Variants in NOL4L observed in about 807,000 individuals in gnomAD.
NOL4L encodes nucleolar protein 4-like.
NOL4L carries 7 observed loss-of-function variants against 64.5 expected under a neutral mutation model. The ratio of observed to expected loss-of-function variants is 0.11; its 90% CI spans 0.06 to 0.20. The LOEUF is 0.20. Among genes scored for constraint, NOL4L ranks in the 10% least tolerant of loss-of-function variants. NOL4L has a pLI of 1.00. For missense variants in NOL4L, 680 were observed against 967.1 expected, an observed-to-expected ratio of 0.70 and a Z score of 3.94; for synonymous variants, 413 against 401.0, an observed-to-expected ratio of 1.03 and a Z score of -0.36.
chr20:32,488,963 GTCT>G (rs1351740392), intron 4 of NOL4L, among the ~76,000 whole-genome samples: 2 of 81,262 alleles, frequency 2.5e-5, no homozygotes, highest in Non-Finnish European at 4.5e-5. Flanking sequence ...TGAATTGTTG[GTCT>G]TTTTTTTTTT....
intron 1 of NOL4L, among the ~76,000 whole-genome samples, chr20:32,556,279 G>T (rs530435083): frequency 2.0e-5 from 3 of 152,164 alleles, no homozygotes; most frequent in South Asian, 4.1e-4. Context: ...CTTTGTGGGG[G>T]GGGGGGGTTT....
At chr20:32,483,280 G>A (rs1262319987) in intron 4 of NOL4L, 6 of 852,126 alleles carry the variant, frequency 7.0e-6, no homozygotes, top group South Asian at 5.3e-5. Flanking sequence ...CTCAACGGCC[G>A]GCGGCAGCAG....
At chr20:32,568,130 T>TCACCATACTCAC (rs1361900307) in intron 1 of NOL4L, among the ~76,000 whole-genome samples, 1 of 151,728 alleles carries the variant, frequency 6.6e-6, no homozygotes, top group Non-Finnish European at 1.5e-5. Context: ...ATGACGGCCA[T>TCACCATACTCAC]CACCATCCTC....
chr20:32,471,231 C>G (rs964790192), intron 5 of NOL4L, among the ~76,000 whole-genome samples: 1 of 148,892 alleles, frequency 6.7e-6, no homozygotes, highest in Non-Finnish European at 1.5e-5. Flanking sequence ...AGCAGACACT[C>G]ACCCCGGTAG....
intron 1 of NOL4L, among the ~76,000 whole-genome samples, chr20:32,559,496 T>C (rs1781360974): frequency 6.6e-6 from 1 of 152,188 alleles, no homozygotes; most frequent in Non-Finnish European, 1.5e-5. Flanking sequence ...TTGCCCAGAG[T>C]TACTGGGAGC....
intron 1 of NOL4L, chr20:32,537,027 C>A (rs1030379100): frequency 3.5e-5 from 34 of 982,258 alleles, no homozygotes; most frequent in South Asian, 4.7e-5. Context: ...CTTCCGGCCC[C>A]GCCAACCGGC....
intron 1 of NOL4L, among the ~76,000 whole-genome samples, chr20:32,581,502 G>C (rs569071224): frequency 7.2e-5 from 11 of 152,272 alleles, no homozygotes; most frequent in African/African-American, 2.2e-4. Flanking sequence ...GAGGAAGGGA[G>C]GCCCAGGGTG....
At chr20:32,503,878 T>C (rs2017023796) in intron 4 of NOL4L, among the ~76,000 whole-genome samples, 1 of 152,186 alleles carries the variant, frequency 6.6e-6, no homozygotes, top group African/African-American at 2.4e-5. Flanking sequence ...TTAACATTAA[T>C]AGCACTACTC....
chr20:32,488,814 T>C (rs1334172816), intron 4 of NOL4L, among the ~76,000 whole-genome samples: 45 of 17,098 alleles, frequency 2.6e-3, no homozygotes, highest in Middle Eastern at 0.024. Context: ...TTTTTCTTTC[T>C]TTCTTTCTTT....
intron 5 of NOL4L, among the ~76,000 whole-genome samples, chr20:32,471,004 G>A (rs2014971955): frequency 6.6e-6 from 1 of 152,240 alleles, no homozygotes; most frequent in South Asian, 2.1e-4. Context: ...TGTGATCGCA[G>A]GGACCTGGGA....
At chr20:32,533,597 C>T (rs982332908) in intron 1 of NOL4L, 15 of 152,158 alleles carry the variant, frequency 9.9e-5, no homozygotes, top group African/African-American at 1.4e-4. Flanking sequence ...ATGGTGAGAA[C>T]AAAAGAATCT....
intron 2 of NOL4L, among the ~76,000 whole-genome samples, chr20:32,523,224 G>A (rs1380671310): frequency 6.6e-6 from 1 of 152,218 alleles, no homozygotes; most frequent in African/African-American, 2.4e-5. Flanking sequence ...GGGGAGGATA[G>A]AAGGCTGACA....
intron 1 of NOL4L, among the ~76,000 whole-genome samples, chr20:32,544,641 G>A (rs1044522586): frequency 7.9e-5 from 12 of 152,114 alleles, no homozygotes; most frequent in East Asian, 3.8e-4. Flanking sequence ...GGTCAGTGGC[G>A]GCTCAGAGGC....
At position 32,563,959 on chromosome 20, in the gene NOL4L, T is replaced by C. The variant is rs1979258462; in HGVS notation, c.321+20611A>G. Among the ~76,000 whole-genome samples, 3 of 152,344 alleles carry C rather than the reference T, an allele frequency of 2.0e-5. No homozygotes were observed. In the South Asian group the frequency reaches 6.2e-4, roughly 32 times the overall value. ...GCTCCTGCCTGCTCAGTGGCTGCTTTGGAGCAATTCTCCCAGGAAAGGCCG... is the reference window on the plus strand; with the variant it reads ...GCTCCTGCCTGCTCAGTGGCTGCTTCGGAGCAATTCTCCCAGGAAAGGCCG... On this transcript the variant is annotated intron_variant, in intron 1 of 10. Transcript: ENST00000621426.
chr20:32,487,950 G>C (rs1278203675), intron 4 of NOL4L, among the ~76,000 whole-genome samples: 1 of 113,046 alleles, frequency 8.8e-6, no homozygotes, highest in African/African-American at 4.1e-5. Flanking sequence ...TTTTTTTTTT[G>C]ACCAAATCTT....
Position 32,463,224 on chromosome 20 carries a change from G to A in NOL4L, c.842-6829C>T, listed in dbSNP as rs931515100. ...GGCTCAGTGGGAAGCTGGGAGTTCTGGATGGACCCTCCACACCTGGAGCTG... is the reference window on the plus strand; with the variant it reads ...GGCTCAGTGGGAAGCTGGGAGTTCTAGATGGACCCTCCACACCTGGAGCTG... On this transcript the variant is annotated intron_variant, in intron 5 of 10. Transcript: ENST00000621426. This position sits in a 1 kb window ranked among gnomAD's most constrained non-coding sequence, Gnocchi z 5.8. 6.6e-6 allele frequency among the ~76,000 whole-genome samples: 1 copy of A among 152,214 alleles called. No homozygotes were observed. Among genetic ancestry groups the A allele is most frequent in the African/African-American group, 2.4e-5 (1 of 41,460 alleles).
chr20:32,490,138 A>AT (rs1158784364), intron 4 of NOL4L, among the ~76,000 whole-genome samples: 9 of 143,458 alleles, frequency 6.3e-5, no homozygotes, highest in African/African-American at 2.2e-4. Flanking sequence ...CAAAAAAAAA[A>AT]AAAAAAATAT....
intron 1 of NOL4L, among the ~76,000 whole-genome samples, chr20:32,546,490 T>C (rs1209434673): frequency 6.6e-6 from 1 of 152,220 alleles, no homozygotes; most frequent in Non-Finnish European, 1.5e-5. Flanking sequence ...TTGCCTAGGC[T>C]GGAATGCAAT....
At chr20:32,487,040 G>A (rs538303910) in intron 4 of NOL4L, among the ~76,000 whole-genome samples, 68 of 152,234 alleles carry the variant, frequency 4.5e-4, no homozygotes, top group East Asian at 2.9e-3. Context: ...AGGCCGAGGC[G>A]GGTGGATCAC....
Sources: gnomAD v4.1 joint callset for allele counts (sites outside exome capture counted in the v4.1 genomes callset) on GRCh38, gnomAD v4.1.1 for gene constraint, Gnocchi (gnomAD v3.1) non-coding constraint, MANE v1.5 for transcripts, NCBI Gene and HGNC (gene_info 2026-07-23, HGNC 2026-07-21) for gene names.